The following GNE variants were observed in gnomAD, a reference collection of about 807,000 sequenced individuals.
The protein encoded by GNE is bifunctional UDP-N-acetylglucosamine 2-epimerase/N-acetylmannosamine kinase.
Under a neutral mutation model 61.8 loss-of-function variants are expected in GNE, and 41 were observed. The observed-to-expected ratio is 0.66, with a 90% CI of 0.52 to 0.86. The LOEUF is 0.86. Ranked by LOEUF, GNE falls within the 40% of genes least tolerant of loss-of-function variation. The pLI, the probability that GNE is intolerant of heterozygous loss-of-function variation, is 0.00. For missense variants in GNE, 608 were observed against 909.1 expected, an observed-to-expected ratio of 0.67 and a Z score of 4.26; for synonymous variants, 264 against 326.4, an observed-to-expected ratio of 0.81 and a Z score of 2.06.
intron 1 of GNE, among the ~76,000 whole-genome samples, chr9:36,256,682 G>T (rs1037944425): frequency 6.6e-6 from 1 of 152,182 alleles, no homozygotes; most frequent in South Asian, 2.1e-4. Flanking sequence ...TTTGTGAAGA[G>T]AATATTTTTA....
At chr9:36,263,199 GT>G (rs1345265399), upstream of GNE, 7 of 152,574 alleles carry the variant, frequency 4.6e-5, no homozygotes, top group Non-Finnish European at 8.7e-5. Flanking sequence ...TTGAGACAGG[GT>G]TTCACTCTTG....
intron 1 of GNE, among the ~76,000 whole-genome samples, chr9:36,276,257 A>G (rs1226838963): frequency 1.3e-5 from 2 of 152,200 alleles, no homozygotes; most frequent in African/African-American, 4.8e-5. Flanking sequence ...TTAATCACCT[A>G]ATTGAACTGT....
chr9:36,257,628 C>T (rs1045683076), intron 1 of GNE, among the ~76,000 whole-genome samples: 10 of 150,784 alleles, frequency 6.6e-5, no homozygotes, highest in Non-Finnish European at 1.5e-4. Flanking sequence ...ATGGTGAAAC[C>T]CCGTCTCTAC....
intron 1 of GNE, 96 bp downstream of exon 1, chr9:36,258,225 C>T: frequency 1.5e-6 from 1 of 681,794 alleles, no homozygotes; most frequent in Non-Finnish European, 1.8e-6. Context: ...GGAAAGCGGC[C>T]GGGGAGGGGA....
chr9:36,216,359 G>GT lies in GNE; in HGVS notation c.*1005_*1006insA. On this transcript the variant is annotated 3_prime_UTR_variant, in exon 12 of 12. Transcript: ENST00000642385. ...TGTGTGTGTGTGTGTGTGTGTAGAC[G>GT]GAGTCTCGCTCTGTCACCCAGGGTG... is the stretch of plus-strand genomic sequence containing the variant. The GT allele has an allele frequency of 7.5e-6, 3 of 400,510 alleles. No homozygotes were observed. The highest frequency in any genetic ancestry group is 1.7e-5 in the South Asian group (1 of 58,652). The allele number at this position is 400,510 out of a possible 1,614,324, so 24.8% of individuals were successfully genotyped here. A position where few individuals can be genotyped will look rare whatever the true frequency, so the allele number is the denominator to read the frequency against.
At chr9:36,236,583 A>G (rs1829402827) in intron 4 of GNE, among the ~76,000 whole-genome samples, 1 of 152,214 alleles carries the variant, frequency 6.6e-6, no homozygotes, top group Non-Finnish European at 1.5e-5. Flanking sequence ...AAATATTAGT[A>G]CTAAACATGA....
chr9:36,223,209 T>G (rs1280784256), intron 8 of GNE, among the ~76,000 whole-genome samples, 164 bp downstream of exon 8: 2 of 152,224 alleles, frequency 1.3e-5, no homozygotes, highest in African/African-American at 4.8e-5. Flanking sequence ...CTCCTAATGC[T>G]TGTTGGTGTC....
chr9:36,243,331 C>T, intron 3 of GNE, among the ~76,000 whole-genome samples: 1 of 152,184 alleles, frequency 6.6e-6, no homozygotes, highest in Non-Finnish European at 1.5e-5. Flanking sequence ...AGGCATGTGC[C>T]ACCACATCTG....
At chr9:36,222,400 C>A (rs1449053168) in intron 9 of GNE, among the ~76,000 whole-genome samples, 2 of 128,204 alleles carry the variant, frequency 1.6e-5, no homozygotes, top group Non-Finnish European at 3.2e-5. Flanking sequence ...GCCTGGGCGA[C>A]AGAGCGAGAC....
Position 36,227,461 on chromosome 9 carries a change from G to A in GNE, c.1071-3C>T, listed in dbSNP as rs752997543. On this transcript the variant is annotated splice_region_variant and splice_polypyrimidine_tract_variant and intron_variant, in intron 6 of 11. Coordinates refer to ENST00000642385, the MANE Select transcript of GNE (RefSeq NM_005476.7). Reference sequence around the variant, plus strand: ...TTCCATCCCCATATATCTTTGAACTGCAATATACAAAAAGTCAATTAAATT... The same window carrying A: ...TTCCATCCCCATATATCTTTGAACTACAATATACAAAAAGTCAATTAAATT... 6 of 1,566,120 alleles carry A rather than the reference G, an allele frequency of 3.8e-6. No individual in the cohort carries two copies. The South Asian group carries it at 6.7e-5, about 17-fold the overall frequency.
chr9:36,219,836 A>G lies in GNE; in HGVS notation c.1816+2T>C, dbSNP rs1828502810. On this transcript the variant is annotated splice_donor_variant, in intron 10 of 11. Transcript: ENST00000642385. LOFTEE classifies it high-confidence loss of function. Reference sequence around the variant, plus strand: ...TTAATTCCTCGAGAGAGGGACACCAACCATCATGGAGCTTTTTTGCCTCCC... The same window carrying G: ...TTAATTCCTCGAGAGAGGGACACCAGCCATCATGGAGCTTTTTTGCCTCCC... 1 of 1,613,594 alleles carries G rather than the reference A, an allele frequency of 6.2e-7. No homozygotes were observed. Among genetic ancestry groups the G allele is most frequent in the South Asian group, 1.1e-5 (1 of 91,072 alleles).
chr9:36,240,724 T>C (rs1254937400), intron 3 of GNE, among the ~76,000 whole-genome samples: 2 of 152,136 alleles, frequency 1.3e-5, no homozygotes, highest in Non-Finnish European at 2.9e-5. Context: ...TCAAAAGGAT[T>C]GGTACCAATT....
chr9:36,235,362 A>T (rs1829345821), intron 4 of GNE, among the ~76,000 whole-genome samples: 1 of 152,204 alleles, frequency 6.6e-6, no homozygotes, highest in Non-Finnish European at 1.5e-5. Flanking sequence ...ACTAAGCCAG[A>T]TAATGATAAA....
At chr9:36,253,889 T>G (rs2133145125) in intron 1 of GNE, among the ~76,000 whole-genome samples, 1 of 151,670 alleles carries the variant, frequency 6.6e-6, no homozygotes, top group South Asian at 2.1e-4. Context: ...AATACAAAAC[T>G]TAGCAGGGTG....
intron 1 of GNE, among the ~76,000 whole-genome samples, chr9:36,253,559 T>C (rs901304063): frequency 6.6e-6 from 1 of 151,802 alleles, no homozygotes; most frequent in Non-Finnish European, 1.5e-5. Context: ...ATTACAGGCA[T>C]GAGCCACCGC....
chr9:36,229,939 A>G (rs1829063673), intron 5 of GNE, among the ~76,000 whole-genome samples: 1 of 151,912 alleles, frequency 6.6e-6, no homozygotes, highest in Non-Finnish European at 1.5e-5. Flanking sequence ...CATATGGTTC[A>G]ATTCTCCTTT....
intron 11 of GNE, among the ~76,000 whole-genome samples, 197 bp downstream of exon 11, chr9:36,217,986 T>G (rs1285183430): frequency 6.6e-6 from 1 of 152,242 alleles, no homozygotes; most frequent in Non-Finnish European, 1.5e-5. Flanking sequence ...ACCAACCACC[T>G]GCTGAAAAAG....
chr9:36,248,799 T>C (rs1170708436), intron 2 of GNE, among the ~76,000 whole-genome samples: 2 of 152,208 alleles, frequency 1.3e-5, no homozygotes, highest in African/African-American at 4.8e-5. Flanking sequence ...GTTTTAAAGA[T>C]TGCCATTACA....
intron 1 of GNE, among the ~76,000 whole-genome samples, chr9:36,275,255 A>G (rs756579675): frequency 6.6e-5 from 10 of 152,168 alleles, no homozygotes; most frequent in Non-Finnish European, 1.3e-4. Flanking sequence ...CTTAGGAGGC[A>G]TTCTTGACCT....
Sources: allele counts gnomAD v4.1 joint callset (sites outside exome capture counted in the v4.1 genomes callset), GRCh38; gene constraint gnomAD v4.1.1; transcripts MANE v1.5; gene names NCBI Gene and HGNC (gene_info 2026-07-23, HGNC 2026-07-21).